RNF150: variants seen among roughly 807,000 people sequenced by gnomAD.
RNF150 encodes the protein ring finger protein 150.
A neutral mutation model predicts 39.3 loss-of-function variants in RNF150; 24 were observed. The observed-to-expected ratio is 0.61, with a 90% CI of 0.44 to 0.86. The LOEUF is 0.86. RNF150 is among the 40% of genes least tolerant of loss of function. The probability of loss-of-function intolerance (pLI) is 0.00; values close to 1 mark genes in which losing one functional copy is unlikely to be tolerated. For synonymous variants in RNF150, 255 were observed against 227.3 expected (o/e 1.12, Z -1.10); for missense variants, 502 against 587.8 (o/e 0.85, Z 1.51).
chr4:140,874,046 TA>T (rs138108659), intron 6 of RNF150, among the ~76,000 whole-genome samples: 26,000 of 152,184 alleles, frequency 0.17, 2,760 homozygotes, highest in Middle Eastern at 0.31. Flanking sequence ...TAATTCTGAG[TA>T]AAATCCATCA....
intron 1 of RNF150, among the ~76,000 whole-genome samples, chr4:141,009,566 T>C (rs867678784): frequency 3.9e-5 from 6 of 152,220 alleles, no homozygotes; most frequent in East Asian, 1.9e-4. Flanking sequence ...AGATAACCCA[T>C]GTAAGAACAG....
At chr4:141,011,448 T>C (rs1199369017) in intron 1 of RNF150, among the ~76,000 whole-genome samples, 1 of 152,210 alleles carries the variant, frequency 6.6e-6, no homozygotes, top group Non-Finnish European at 1.5e-5. Context: ...GCTGTCAGAA[T>C]ATCGGATTTA....
At chr4:141,006,818 A>G (rs1190964054) in intron 1 of RNF150, among the ~76,000 whole-genome samples, 1 of 152,230 alleles carries the variant, frequency 6.6e-6, no homozygotes, top group Non-Finnish European at 1.5e-5. Flanking sequence ...TAAAAGTTTC[A>G]GAATTGTATT....
intron 1 of RNF150, among the ~76,000 whole-genome samples, chr4:141,106,897 C>T (rs1235465110): frequency 6.6e-6 from 1 of 152,082 alleles, no homozygotes; most frequent in Non-Finnish European, 1.5e-5. Context: ...ATGTTCTAGT[C>T]TAAGAATCAA....
At chr4:141,177,243 A>G (rs1727829341) in intron 1 of RNF150, among the ~76,000 whole-genome samples, 2 of 151,946 alleles carry the variant, frequency 1.3e-5, no homozygotes, top group African/African-American at 2.4e-5. Context: ...AAAAAAATGT[A>G]TTTCAGATTC....
At chr4:141,050,053 CA>C (rs1448666801) in intron 1 of RNF150, among the ~76,000 whole-genome samples, 2 of 151,556 alleles carry the variant, frequency 1.3e-5, no homozygotes, top group Non-Finnish European at 2.9e-5. Context: ...TAAGTAATAA[CA>C]AAATATGAAA....
chr4:141,188,337 T>C (rs911285266), intron 1 of RNF150, among the ~76,000 whole-genome samples: 1 of 152,212 alleles, frequency 6.6e-6, no homozygotes, highest in Non-Finnish European at 1.5e-5. Flanking sequence ...GGTGTTGTTC[T>C]TCTTGAGGAG....
chr4:141,100,469 C>G (rs1393978898), intron 1 of RNF150, among the ~76,000 whole-genome samples: 1 of 152,180 alleles, frequency 6.6e-6, no homozygotes, highest in Admixed American at 6.5e-5. Context: ...ACATCTACTA[C>G]TAAATAAGTA....
intron 6 of RNF150, among the ~76,000 whole-genome samples, chr4:140,906,074 G>A (rs757235967): frequency 3.1e-4 from 47 of 152,066 alleles, no homozygotes; most frequent in Admixed American, 7.2e-4. Flanking sequence ...TGGGGTATGT[G>A]TTTGCAACTT....
chr4:141,007,014 CT>C (rs1179355542), intron 1 of RNF150, among the ~76,000 whole-genome samples: 1 of 152,170 alleles, frequency 6.6e-6, no homozygotes, highest in African/African-American at 2.4e-5. Flanking sequence ...CTGTACTAGG[CT>C]AGCTCCTAAA....
At chr4:141,012,894 A>T (rs1348275854) in intron 1 of RNF150, among the ~76,000 whole-genome samples, 1 of 151,154 alleles carries the variant, frequency 6.6e-6, no homozygotes, top group African/African-American at 2.4e-5. Context: ...GGGAAGTAAT[A>T]TTAATTGAGT....
At chr4:141,011,015 G>A (rs538778912) in intron 1 of RNF150, among the ~76,000 whole-genome samples, 5 of 152,096 alleles carry the variant, frequency 3.3e-5, no homozygotes, top group South Asian at 4.2e-4. Context: ...CTTTTATCTC[G>A]AGGTATTGTA....
intron 1 of RNF150, among the ~76,000 whole-genome samples, chr4:141,201,578 G>A (rs1026649122): frequency 2.6e-5 from 4 of 151,902 alleles, no homozygotes; most frequent in African/African-American, 9.7e-5. Flanking sequence ...CTCTGGATGT[G>A]CCACCTCCTC....
intron 1 of RNF150, among the ~76,000 whole-genome samples, chr4:141,191,649 A>G (rs1728111027): frequency 6.6e-6 from 1 of 152,224 alleles, no homozygotes. Flanking sequence ...CAGTGACAAT[A>G]AATACAAAAT....
At chr4:141,161,414 T>C (rs551424129) in intron 1 of RNF150, among the ~76,000 whole-genome samples, 1 of 152,262 alleles carries the variant, frequency 6.6e-6, no homozygotes, top group East Asian at 1.9e-4. Context: ...AAATTGGAAC[T>C]TATATTTAAA....
chr4:141,085,048 T>G (rs1159684283), intron 1 of RNF150, among the ~76,000 whole-genome samples: 1 of 152,194 alleles, frequency 6.6e-6, no homozygotes. Flanking sequence ...CATACTGCTA[T>G]GAAGAAATAC....
chr4:140,876,752 G>A (rs1351519035), intron 6 of RNF150, among the ~76,000 whole-genome samples: 1 of 152,186 alleles, frequency 6.6e-6, no homozygotes, highest in Non-Finnish European at 1.5e-5. Flanking sequence ...ATTCTGGAAT[G>A]GCAGAGCTAC....
chr4:140,983,706 G>T (rs1733932349), intron 1 of RNF150, among the ~76,000 whole-genome samples: 1 of 150,524 alleles, frequency 6.6e-6, no homozygotes, highest in Admixed American at 6.6e-5. Flanking sequence ...TTCCTTTGGA[G>T]ATGGTGAATA....
At chr4:141,082,434 G>C (rs1158498966) in intron 1 of RNF150, among the ~76,000 whole-genome samples, 1 of 151,954 alleles carries the variant, frequency 6.6e-6, no homozygotes, top group African/African-American at 2.4e-5. Context: ...TGCATTTCCT[G>C]ACTGTTCTGG....
Sources: allele counts gnomAD v4.1 joint callset (sites outside exome capture counted in the v4.1 genomes callset), GRCh38; gene constraint gnomAD v4.1.1; transcripts MANE v1.5; gene names NCBI Gene and HGNC (gene_info 2026-07-23, HGNC 2026-07-21).